Variants in RBFOX1 observed in about 807,000 individuals in gnomAD.
RBFOX1 encodes RNA binding protein fox-1 homolog 1.
In RBFOX1, 8 loss-of-function variants were observed where a neutral mutation model predicts 57.7. The observed-to-expected ratio is 0.14, with a 90% CI of 0.08 to 0.25. The LOEUF (loss-of-function observed/expected upper bound fraction) is 0.25, where lower values mean the gene tolerates loss of function less well. Ranked by LOEUF, RBFOX1 falls within the 10% of genes least tolerant of loss-of-function variation. The probability of loss-of-function intolerance (pLI) is 1.00; values close to 1 mark genes in which losing one functional copy is unlikely to be tolerated. For missense variants in RBFOX1, 611 were observed against 548.5 expected, an observed-to-expected ratio of 1.11 and a Z score of -1.14; for synonymous variants, 326 against 222.4, an observed-to-expected ratio of 1.47 and a Z score of -4.15.
chr16:6,126,820 A>G (rs2096593006), intron 1 of RBFOX1, among the ~76,000 whole-genome samples: 1 of 152,188 alleles, frequency 6.6e-6, no homozygotes, highest in African/African-American at 2.4e-5. Context: ...TGGAGGAAGG[A>G]AAAGACATTA....
chr16:7,346,331 C>T (rs937223603), intron 4 of RBFOX1, among the ~76,000 whole-genome samples: 2 of 151,732 alleles, frequency 1.3e-5, no homozygotes, highest in Non-Finnish European at 2.9e-5. Context: ...ACCACGATGG[C>T]AGAGGAGCAT....
chr16:7,005,318 A>G (rs138978354), intron 3 of RBFOX1, among the ~76,000 whole-genome samples: 3 of 152,256 alleles, frequency 2.0e-5, no homozygotes, highest in East Asian at 1.9e-4. Flanking sequence ...CCTTTCAATG[A>G]GACTGTGTTC....
At chr16:7,482,384 C>T (rs987022997) in intron 4 of RBFOX1, among the ~76,000 whole-genome samples, 3 of 152,112 alleles carry the variant, frequency 2.0e-5, no homozygotes, top group African/African-American at 7.2e-5. Context: ...GCACAGCTGA[C>T]AGTGATTGCT....
chr16:7,203,319 A>C (rs1387448551), intron 4 of RBFOX1, among the ~76,000 whole-genome samples: 1 of 152,232 alleles, frequency 6.6e-6, no homozygotes, highest in Non-Finnish European at 1.5e-5. Context: ...AATTCCACTC[A>C]CATGAAGTTT....
chr16:5,310,293 T>A (rs1319728468), intron 1 of RBFOX1, among the ~76,000 whole-genome samples: 1 of 151,894 alleles, frequency 6.6e-6, no homozygotes, highest in Non-Finnish European at 1.5e-5. Flanking sequence ...TCCCAGATAC[T>A]CAGGAGGCTG....
chr16:6,675,155 C>T lies in RBFOX1; in HGVS notation c.-16+20505C>T, dbSNP rs1316916944. Reference sequence around the variant, plus strand: ...TCTTGACCTCGTGATCCGCCCACCTCGGCCTCCCAAAGTGCTGGGTTTACA... The same window carrying T: ...TCTTGACCTCGTGATCCGCCCACCTTGGCCTCCCAAAGTGCTGGGTTTACA... On this transcript the variant is annotated intron_variant, in intron 3 of 15. Transcript: ENST00000550418. Among the ~76,000 whole-genome samples the T allele has an allele frequency of 1.6e-4, 25 of 152,220 alleles. 1 individual carries two copies. The highest frequency in any genetic ancestry group is 3.4e-4 in the African/African-American group (14 of 41,542).
At chr16:6,083,445 C>G (rs2096038670) in intron 1 of RBFOX1, among the ~76,000 whole-genome samples, 1 of 152,174 alleles carries the variant, frequency 6.6e-6, no homozygotes, top group African/African-American at 2.4e-5. Context: ...CATATCATTA[C>G]TTGCTTTCAT....
At chr16:6,720,523 T>C (rs1318941282) in intron 3 of RBFOX1, among the ~76,000 whole-genome samples, 1 of 151,876 alleles carries the variant, frequency 6.6e-6, no homozygotes, top group African/African-American at 2.4e-5. Context: ...CAGGAAAGGG[T>C]GTTACAGGCA....
In RBFOX1 at chr16:6,539,743, A is replaced by AG. The variant is rs144720451; in HGVS notation, c.-63-114859dup. On this transcript the variant is annotated intron_variant, in intron 2 of 15. Transcript: ENST00000550418. ...AACCTGGGAAATGGAGGTTGCAGTG[A>AG]GCTGAGATCGTGCCACTGCACTCCA... 2.5e-3 allele frequency among the ~76,000 whole-genome samples: 373 copies of AG among 151,254 alleles called. 2 individuals carry two copies. The highest frequency in any genetic ancestry group is 8.3e-3 in the African/African-American group (345 of 41,366).
intron 3 of RBFOX1, among the ~76,000 whole-genome samples, chr16:6,669,571 A>G (rs763004380): frequency 6.6e-6 from 1 of 152,306 alleles, no homozygotes; most frequent in African/African-American, 2.4e-5. Context: ...ATACATTATG[A>G]AAAAGTCGTT....
intron 1 of RBFOX1, among the ~76,000 whole-genome samples, chr16:5,323,412 ACT>A (rs1310436643): frequency 2.0e-5 from 3 of 151,928 alleles, no homozygotes; most frequent in African/African-American, 7.3e-5. Flanking sequence ...AGTTCGAAAA[ACT>A]CTGCTGCGGT....
intron 1 of RBFOX1, among the ~76,000 whole-genome samples, chr16:6,145,003 C>G (rs1040277527): frequency 2.0e-5 from 3 of 152,038 alleles, no homozygotes; most frequent in African/African-American, 7.2e-5. Context: ...AGATAAGACC[C>G]TGCATTTTAT....
intron 1 of RBFOX1, among the ~76,000 whole-genome samples, chr16:6,129,918 A>G (rs1158550419): frequency 5.3e-5 from 8 of 152,160 alleles, no homozygotes; most frequent in Non-Finnish European, 1.0e-4. Flanking sequence ...AACACTGTCA[A>G]CACAGAATTG....
rs528362076 is a variant in RBFOX1 at position 5,318,610 on chromosome 16, A to G, written c.219+78505A>G. On this transcript the variant is annotated intron_variant, in intron 1 of 2. Coordinates refer to the RBFOX1 transcript ENST00000585867. ...AAAAAAACAAACAAAAAAACAAAAC[A>G]AAACACTTTATCATATGGAGCCCAG... is the stretch of plus-strand genomic sequence containing the variant. 2.0e-5 allele frequency among the ~76,000 whole-genome samples: 3 copies of G among 152,310 alleles called. No homozygotes were observed. In the South Asian group the frequency reaches 6.2e-4, roughly 32 times the overall value.
intron 1 of RBFOX1, among the ~76,000 whole-genome samples, chr16:6,249,988 T>C (rs1056818106): frequency 6.6e-6 from 1 of 151,962 alleles, no homozygotes; most frequent in Non-Finnish European, 1.5e-5. Context: ...AGGAAATGGC[T>C]TGTAGGTGCG....
chr16:6,243,764 G>C (rs573677803), intron 1 of RBFOX1, among the ~76,000 whole-genome samples: 1 of 152,172 alleles, frequency 6.6e-6, no homozygotes, highest in East Asian at 1.9e-4. Context: ...TAGCACCTTG[G>C]TTTGGTTGGT....
chr16:6,372,053 G>C (rs1263150701), intron 2 of RBFOX1, among the ~76,000 whole-genome samples: 1 of 152,224 alleles, frequency 6.6e-6, no homozygotes, highest in South Asian at 2.1e-4. Context: ...TGAATGAAAG[G>C]ATGGTTGGTT....
chr16:6,974,884 A>C (rs558441813), intron 3 of RBFOX1, among the ~76,000 whole-genome samples: 1 of 152,130 alleles, frequency 6.6e-6, no homozygotes, highest in African/African-American at 2.4e-5. Flanking sequence ...TCTTTCTGCA[A>C]ATAGCTGCGT....
intron 3 of RBFOX1, among the ~76,000 whole-genome samples, chr16:5,748,984 G>T (rs2053089172): frequency 6.6e-6 from 1 of 152,124 alleles, no homozygotes; most frequent in Non-Finnish European, 1.5e-5. Context: ...TTTACAATTT[G>T]GCATGTTTTT....
Sources: gnomAD v4.1 joint callset for allele counts (sites outside exome capture counted in the v4.1 genomes callset) on GRCh38, gnomAD v4.1.1 for gene constraint, MANE v1.5 for transcripts, NCBI Gene and HGNC (gene_info 2026-07-23, HGNC 2026-07-21) for gene names.